PRKCH: variants seen among roughly 807,000 people sequenced by gnomAD.
The protein encoded by PRKCH is protein kinase C eta type.
In PRKCH, 28 loss-of-function variants were observed where a neutral mutation model predicts 82.5. The ratio of observed to expected loss-of-function variants is 0.34; its 90% CI spans 0.25 to 0.47. PRKCH has a LOEUF of 0.47. PRKCH is among the 20% of genes least tolerant of loss of function. The pLI, the probability that PRKCH is intolerant of heterozygous loss-of-function variation, is 1.00. For missense variants in PRKCH, 705 were observed against 881.8 expected (o/e 0.80, Z 2.54); for synonymous variants, 322 against 327.4 (o/e 0.98, Z 0.18).
intron 10 of PRKCH, among the ~76,000 whole-genome samples, chr14:61,490,598 A>G (rs1442401395): frequency 6.6e-6 from 1 of 152,124 alleles, no homozygotes; most frequent in Non-Finnish European, 1.5e-5. Flanking sequence ...AAGAATTCAC[A>G]AGTGATCCGT....
At chr14:61,457,039 A>G (rs1933409345) in intron 7 of PRKCH, 137 bp from the exon 8 acceptor site, 4 of 887,138 alleles carry the variant, frequency 4.5e-6, no homozygotes, top group East Asian at 5.4e-5. Flanking sequence ...AGAACCGATC[A>G]TCTGTCAAAC....
chr14:61,516,880 A>G (rs1370754160), intron 10 of PRKCH, among the ~76,000 whole-genome samples: 1 of 152,230 alleles, frequency 6.6e-6, no homozygotes, highest in Non-Finnish European at 1.5e-5. Context: ...AAACATAATT[A>G]GAGAACCAAG....
chr14:61,333,978 T>C (rs1165414533), intron 1 of PRKCH, among the ~76,000 whole-genome samples: 1 of 152,074 alleles, frequency 6.6e-6, no homozygotes, highest in Admixed American at 6.5e-5. Context: ...GATTTTTTGG[T>C]CCTCTCTGGA....
Position 61,472,087 on chromosome 14 carries a change from G to A in PRKCH, c.1279-13415G>A, listed in dbSNP as rs559407877. On this transcript the variant is annotated intron_variant, in intron 9 of 13. Transcript: ENST00000332981. ...TTAGGGATGGAGCCCCTGAGCTCGG[G>A]GGAGACAGCGGAAGCGTGCAGCGTC... Among the ~76,000 whole-genome samples the A allele has an allele frequency of 5.9e-4, 90 of 152,292 alleles. 3 individuals carry two copies. In the South Asian group the frequency reaches 0.019, roughly 32 times the overall value.
At chr14:61,292,311 C>CA (rs758667290) in intron 1 of PRKCH, among the ~76,000 whole-genome samples, 5,580 of 91,698 alleles carry the variant, frequency 0.061, 142 homozygotes, top group African/African-American at 0.11. Flanking sequence ...CCTGTCTCTA[C>CA]AAAAAAAAAA....
At chr14:61,399,277 T>C (rs1881466540) in intron 2 of PRKCH, among the ~76,000 whole-genome samples, 1 of 152,214 alleles carries the variant, frequency 6.6e-6, no homozygotes, top group African/African-American at 2.4e-5. Flanking sequence ...TAAAATAAAA[T>C]GACAAATTTC....
In PRKCH at chr14:61,280,508, C is replaced by G. The variant is rs2045249145; in HGVS notation, c.-19+92840C>G. ...CCCTGGAAGGCCAACGCCAGGCTGCCGTTGACCAGCGGCGGGTTGCGGAAC... is the reference window on the plus strand; with the variant it reads ...CCCTGGAAGGCCAACGCCAGGCTGCGGTTGACCAGCGGCGGGTTGCGGAAC... On this transcript the variant is annotated intron_variant, in intron 1 of 3. Transcript: ENST00000555185. The surrounding 1 kb of genome is among the most constrained non-coding windows in gnomAD (Gnocchi z 5.0). The G allele has an allele frequency of 1.2e-6, 2 of 1,612,964 alleles. No individual in the cohort carries two copies. Among genetic ancestry groups the G allele is most frequent in the Non-Finnish European group, 1.7e-6 (2 of 1,179,606 alleles).
In PRKCH at chr14:61,477,978, G is replaced by A. The variant is rs3825653; in HGVS notation, c.1279-7524G>A. Reference sequence around the variant, plus strand: ...CTTGGAGGTCTGTGAAGGAGGCCTCGAGACCCAGTGCATGCAGCTCACTGC... The same window carrying A: ...CTTGGAGGTCTGTGAAGGAGGCCTCAAGACCCAGTGCATGCAGCTCACTGC... On this transcript the variant is annotated intron_variant, in intron 9 of 13. Transcript: ENST00000332981. Among the ~76,000 whole-genome samples the A allele has an allele frequency of 0.02, 3,105 of 152,280 alleles. 219 individuals are homozygous for A. In the East Asian group the frequency reaches 0.27, roughly 13 times the overall value.
chr14:61,294,753 T>G (rs2045392415), intron 1 of PRKCH, among the ~76,000 whole-genome samples: 1 of 151,970 alleles, frequency 6.6e-6, no homozygotes, highest in Non-Finnish European at 1.5e-5. Flanking sequence ...TGTTTGAACA[T>G]AAACATACAA....
At chr14:61,250,790 G>T (rs1594874237) in intron 1 of PRKCH, among the ~76,000 whole-genome samples, 1 of 152,112 alleles carries the variant, frequency 6.6e-6, no homozygotes, top group African/African-American at 2.4e-5. Flanking sequence ...TACCACTTTG[G>T]TGGGTTGTTA....
chr14:61,529,380 G>A (rs982183286), intron 11 of PRKCH, 167 bp downstream of exon 11: 4 of 692,052 alleles, frequency 5.8e-6, no homozygotes, highest in Non-Finnish European at 8.3e-6. Flanking sequence ...AATGATGGCT[G>A]AAAATGGCCT....
intron 10 of PRKCH, among the ~76,000 whole-genome samples, chr14:61,512,863 G>T (rs1303957433): frequency 6.6e-6 from 1 of 151,966 alleles, no homozygotes; most frequent in African/African-American, 2.4e-5. Context: ...ATCCTGTTCT[G>T]TCCCCCAGGC....
chr14:61,279,526 C>G (rs1316095630), intron 1 of PRKCH: 2 of 152,626 alleles, frequency 1.3e-5, no homozygotes, highest in Non-Finnish European at 2.9e-5. Flanking sequence ...CTTACTGTGT[C>G]TGAATCTCTG....
intron 1 of PRKCH, among the ~76,000 whole-genome samples, chr14:61,210,797 TGTGTGTGTGTGTGTGTGC>T: frequency 6.6e-6 from 1 of 151,572 alleles, no homozygotes; most frequent in Admixed American, 6.6e-5. Context: ...TCTCTGTGTG[TGTGTGTGTGTGTGTGTGC>T]GTGCACGCGT....
intron 1 of PRKCH, among the ~76,000 whole-genome samples, chr14:61,370,100 C>T (rs541335229): frequency 6.6e-6 from 1 of 152,022 alleles, no homozygotes; most frequent in Non-Finnish European, 1.5e-5. Context: ...CCCATCACCA[C>T]ACCTGGCTAA....
At chr14:61,399,764 G>A (rs1257052872) in intron 2 of PRKCH, among the ~76,000 whole-genome samples, 1 of 152,074 alleles carries the variant, frequency 6.6e-6, no homozygotes, top group African/African-American at 2.4e-5. Flanking sequence ...TAGTGTACTT[G>A]TTTCTTCCCC....
intron 2 of PRKCH, among the ~76,000 whole-genome samples, chr14:61,406,023 C>T (rs896788077): frequency 6.6e-6 from 1 of 151,958 alleles, no homozygotes; most frequent in Non-Finnish European, 1.5e-5. Flanking sequence ...TTCTCAGGAC[C>T]CAGTCTGAAT....
At chr14:61,210,103 AACAAACAAATATATATATAT>A (rs1394290829) in intron 1 of PRKCH, among the ~76,000 whole-genome samples, 1 of 116,312 alleles carries the variant, frequency 8.6e-6, no homozygotes, top group Non-Finnish European at 1.8e-5. Context: ...AAAACAAACA[AACAAACAAATATATATATAT>A]ATATATATAT....
intron 9 of PRKCH, among the ~76,000 whole-genome samples, chr14:61,462,766 G>A (rs149621505): frequency 2.6e-5 from 4 of 151,958 alleles, no homozygotes; most frequent in African/African-American, 9.7e-5. Flanking sequence ...GTGAGAGGGG[G>A]TGTTGGAGCC....
Sources: gnomAD v4.1 joint callset for allele counts (sites outside exome capture counted in the v4.1 genomes callset) on GRCh38, gnomAD v4.1.1 for gene constraint, Gnocchi (gnomAD v3.1) non-coding constraint, MANE v1.5 for transcripts, NCBI Gene and HGNC (gene_info 2026-07-23, HGNC 2026-07-21) for gene names.